RAPGEF4: variants seen among roughly 807,000 people sequenced by gnomAD.
RAPGEF4 encodes Rap guanine nucleotide exchange factor 4, also known as RAP guanine-nucleotide-exchange factor (GEF) 4.
In RAPGEF4, 66 loss-of-function variants were observed where a neutral mutation model predicts 147.9. The observed-to-expected ratio is 0.45, with a 90% CI of 0.37 to 0.55. The LOEUF (loss-of-function observed/expected upper bound fraction) is 0.55. Among genes scored for constraint, RAPGEF4 ranks in the 20% least tolerant of loss-of-function variants. The pLI is 0.00. For missense variants in RAPGEF4, 1,071 were observed against 1,257.3 expected (o/e 0.85, Z 2.24); for synonymous variants, 419 against 442.7 (o/e 0.95, Z 0.67).
In RAPGEF4 at chr2:172,821,959, G is replaced by A. The variant is rs1383272301; in HGVS notation, c.444+7534G>A. Reference sequence around the variant, plus strand: ...AGAACTTTGAGAGACCGAAAAAGAAGGACGTATGCTCTACAAGGTCAGAAT... The same window carrying A: ...AGAACTTTGAGAGACCGAAAAAGAAAGACGTATGCTCTACAAGGTCAGAAT... On this transcript the variant is annotated intron_variant, in intron 4 of 30. Transcript: ENST00000397081. The A allele has an allele frequency of 2.5e-6, 4 of 1,613,494 alleles. No individual in the cohort carries two copies. The Admixed American group carries it at 6.7e-5, about 27-fold the overall frequency.
At chr2:172,858,404 C>A (rs1483502497) in intron 4 of RAPGEF4, among the ~76,000 whole-genome samples, 1 of 152,128 alleles carries the variant, frequency 6.6e-6, no homozygotes, top group Non-Finnish European at 1.5e-5. Context: ...AGGAGAAGGC[C>A]TGTGTATGTG....
At chr2:172,958,230 C>G (rs113103182) in intron 6 of RAPGEF4, among the ~76,000 whole-genome samples, 6 of 152,170 alleles carry the variant, frequency 3.9e-5, no homozygotes, top group African/African-American at 1.2e-4. Context: ...TACCTCTTTA[C>G]TCTAAGACAA....
intron 4 of RAPGEF4, among the ~76,000 whole-genome samples, chr2:172,913,842 T>C (rs1303388370): frequency 6.6e-6 from 1 of 152,172 alleles, no homozygotes; most frequent in Non-Finnish European, 1.5e-5. Flanking sequence ...AAAGAATGAA[T>C]AGTGAAAACT....
chr2:172,914,283 T>C (rs1037996144), intron 4 of RAPGEF4, among the ~76,000 whole-genome samples: 2 of 150,874 alleles, frequency 1.3e-5, no homozygotes, highest in Non-Finnish European at 3.0e-5. Flanking sequence ...ATCTGCCCTC[T>C]GAGGGAGGTT....
At position 172,967,349 on chromosome 2, in the gene RAPGEF4, G is replaced by A; in HGVS notation, c.909G>A (p.Glu303=). The part of the protein sequence containing the change: ...EHEDAPLPTE[E]EKKECDEELQ... ...AGGATGCCCCTTTGCCTACTGAGGA[G>A]GAGAAGAAGGAGTGTGATGAGGAGC... The change falls in exon 10 of 31, where the codon GAG becomes GAA. Residue 303 remains glutamate (E), a synonymous_variant. Transcript: ENST00000397081. 1.2e-6 allele frequency: 2 copies of A among 1,612,140 alleles called. No homozygotes were observed. The highest frequency in any genetic ancestry group is 8.5e-7 in the Non-Finnish European group (1 of 1,179,806).
intron 4 of RAPGEF4, among the ~76,000 whole-genome samples, chr2:172,851,435 G>A (rs1692813194): frequency 6.6e-6 from 1 of 152,136 alleles, no homozygotes; most frequent in Admixed American, 6.5e-5. Context: ...GGAGAGTTCT[G>A]TAGCTGTCCG....
chr2:172,995,455 A>G (rs554011162), intron 15 of RAPGEF4, among the ~76,000 whole-genome samples: 22 of 152,070 alleles, frequency 1.4e-4, no homozygotes, highest in Admixed American at 1.2e-3. Context: ...AATTTTTTGT[A>G]TTTTAGTAGA....
chr2:172,981,041 T>C (rs1458183586), intron 10 of RAPGEF4, among the ~76,000 whole-genome samples: 1 of 152,186 alleles, frequency 6.6e-6, no homozygotes, highest in Non-Finnish European at 1.5e-5. Context: ...CTCATAGAGA[T>C]CTGCTCCCAA....
chr2:172,740,742 G>A (rs895585198), intron 1 of RAPGEF4, among the ~76,000 whole-genome samples: 8 of 152,278 alleles, frequency 5.3e-5, no homozygotes, highest in Admixed American at 1.3e-4. Context: ...ACATTACCCC[G>A]GTACATCCTC....
intron 17 of RAPGEF4, among the ~76,000 whole-genome samples, chr2:173,003,327 G>A (rs1023185685): frequency 6.6e-6 from 1 of 152,190 alleles, no homozygotes; most frequent in South Asian, 2.1e-4. Flanking sequence ...AAAGCAAACA[G>A]GCGTGGAAGA....
intron 6 of RAPGEF4, among the ~76,000 whole-genome samples, chr2:172,954,054 A>T (rs1688486276): frequency 6.6e-6 from 1 of 152,076 alleles, no homozygotes; most frequent in Non-Finnish European, 1.5e-5. Flanking sequence ...TCCTTGCCAG[A>T]GCCACAAGGA....
At chr2:172,941,912 A>G (rs531146394) in intron 6 of RAPGEF4, among the ~76,000 whole-genome samples, 12 of 152,246 alleles carry the variant, frequency 7.9e-5, no homozygotes, top group Non-Finnish European at 1.3e-4. Flanking sequence ...GAAACATAGT[A>G]TGCTCTCAAC....
chr2:173,029,726 G>T (rs768993042), intron 25 of RAPGEF4, among the ~76,000 whole-genome samples: 1 of 152,184 alleles, frequency 6.6e-6, no homozygotes, highest in Non-Finnish European at 1.5e-5. Context: ...AAGCCATGGT[G>T]GCTGCAGCTG....
At chr2:172,847,483 C>T (rs1185121956) in intron 4 of RAPGEF4, among the ~76,000 whole-genome samples, 5 of 152,210 alleles carry the variant, frequency 3.3e-5, no homozygotes, top group African/African-American at 4.8e-5. Flanking sequence ...TTGGCTCCTG[C>T]CCTGGGACAT....
At chr2:172,852,264 T>C (rs1332097119) in intron 4 of RAPGEF4, among the ~76,000 whole-genome samples, 2 of 152,204 alleles carry the variant, frequency 1.3e-5, no homozygotes, top group Admixed American at 1.3e-4. Context: ...TTTCATAACA[T>C]GAGCCCCAGG....
chr2:172,815,775 T>C (rs771775179), intron 4 of RAPGEF4, among the ~76,000 whole-genome samples: 8 of 152,236 alleles, frequency 5.3e-5, no homozygotes, highest in Non-Finnish European at 7.3e-5. Context: ...TTTGTGGAAA[T>C]ATTTTAAAGA....
At chr2:172,799,384 A>G (rs1230467476) in intron 3 of RAPGEF4, among the ~76,000 whole-genome samples, 5 of 152,160 alleles carry the variant, frequency 3.3e-5, no homozygotes, top group Non-Finnish European at 7.4e-5. Context: ...GATGCTCTTC[A>G]CCACTGCTCT....
At chr2:172,873,500 C>G (rs539876655) in intron 4 of RAPGEF4, among the ~76,000 whole-genome samples, 1 of 152,244 alleles carries the variant, frequency 6.6e-6, no homozygotes, top group African/African-American at 2.4e-5. Flanking sequence ...CAGCTGCTAC[C>G]CTCTTTCCTA....
At chr2:172,756,319 C>G (rs1035615148) in intron 1 of RAPGEF4, among the ~76,000 whole-genome samples, 1 of 152,198 alleles carries the variant, frequency 6.6e-6, no homozygotes, top group Admixed American at 6.5e-5. Flanking sequence ...TCCCATGGCC[C>G]TCTGCTGCCT....
Sources: allele counts gnomAD v4.1 joint callset (sites outside exome capture counted in the v4.1 genomes callset), GRCh38; gene constraint gnomAD v4.1.1; transcripts MANE v1.5; gene names NCBI Gene and HGNC (gene_info 2026-07-23, HGNC 2026-07-21).